Variants in STX16 observed in about 807,000 individuals in gnomAD.
STX16 encodes syntaxin 16, also known as syntaxin-16.
Under a neutral mutation model 42.7 loss-of-function variants are expected in STX16, and 28 were observed. The observed-to-expected ratio is 0.66, with a 90% confidence interval of 0.49 to 0.90. The LOEUF (loss-of-function observed/expected upper bound fraction) is 0.90, where lower values mean the gene tolerates loss of function less well. STX16 is among the 40% of genes least tolerant of loss of function. The pLI is 0.00. For synonymous variants in STX16, 156 were observed against 155.2 expected, an observed-to-expected ratio of 1.00 and a Z score of -0.04; for missense variants, 361 against 420.9, an observed-to-expected ratio of 0.86 and a Z score of 1.24.
At chr20:58,675,308 G>C (rs554079507) in intron 8 of STX16, among the ~76,000 whole-genome samples, 2 of 152,350 alleles carry the variant, frequency 1.3e-5, no homozygotes, top group South Asian at 2.1e-4. Context: ...CCTTCCCGCT[G>C]TCTCCTCCTC....
In STX16 at chr20:58,666,429, T is replaced by G. The variant is rs1318926253; in HGVS notation, c.145-1061T>G. On this transcript the variant is annotated intron_variant, in intron 2 of 8. Transcript: ENST00000371141. ...GTTTTTTGTGTGTGTGTGTGTTTTT[T>G]TTTTTTTTTTTTTTTTGAGACAGAG... Among the ~76,000 whole-genome samples, 611 of 147,784 alleles carry G rather than the reference T, an allele frequency of 4.1e-3. 2 individuals carry two copies. The highest frequency in any genetic ancestry group is 7.5e-3 in the Non-Finnish European group (502 of 66,878).
chr20:58,669,676 G>A (rs2122989780), intron 5 of STX16, among the ~76,000 whole-genome samples: 1 of 152,318 alleles, frequency 6.6e-6, no homozygotes, highest in Non-Finnish European at 1.5e-5. Context: ...AGGGCACCAA[G>A]ATAGTTCAGC....
At position 58,652,379 on chromosome 20, in the gene STX16, C is replaced by CG. The variant is rs1161216842; in HGVS notation, c.132+241_132+242insG. ...CTCCTCACTTCCGCAGCACCCCCCC[C>CG]CCCGCACCCCCCGCCTTGGCGTCAC... On this transcript the variant is annotated intron_variant, in intron 1 of 8. Coordinates refer to ENST00000371141, the MANE Select transcript of STX16 (RefSeq NM_001001433.3). The CG allele has an allele frequency of 2.6e-4, 150 of 588,188 alleles. 1 individual carries two copies. The African/African-American group carries it at 2.7e-3, about 11-fold the overall frequency. 36.4% of individuals were successfully genotyped at this position (588,188 alleles called of 1,614,324 possible).
Position 58,676,295 on chromosome 20 carries a change from G to A in STX16, c.*4G>A, listed in dbSNP as rs2084122844. The A allele has an allele frequency of 6.2e-7, 1 of 1,613,532 alleles. No individual in the cohort carries two copies. Among genetic ancestry groups the A allele is most frequent in the South Asian group, 1.1e-5 (1 of 91,068 alleles). On this transcript the variant is annotated 3_prime_UTR_variant, in exon 9 of 9. Coordinates refer to ENST00000371141, the MANE Select transcript of STX16 (RefSeq NM_001001433.3). Reference sequence around the variant, plus strand: ...CGTTGGCGTGAAGTCTCGATAAGTGGCATTGGGTTTTCGTGTGTGCCGCGC... The same window carrying A: ...CGTTGGCGTGAAGTCTCGATAAGTGACATTGGGTTTTCGTGTGTGCCGCGC...
In STX16 at chr20:58,668,248, G is replaced by A. The variant is rs2083884601; in HGVS notation, c.393+121G>A. On this transcript the variant is annotated intron_variant, in intron 4 of 8. Coordinates refer to ENST00000371141, the MANE Select transcript of STX16 (RefSeq NM_001001433.3). ...TTTCCCAACCTGAAGTTCTCAGAGG[G>A]ACCTCAAGAGGCCCTGAAGTCCTCC... 2.3e-6 allele frequency: 3 copies of A among 1,300,932 alleles called. No individual in the cohort carries two copies. In the African/African-American group the frequency reaches 4.4e-5, roughly 19 times the overall value. The allele number at this position is 1,300,932 out of a possible 1,614,324, so 80.6% of individuals were successfully genotyped here. A position where few individuals can be genotyped will look rare whatever the true frequency, so the allele number is the denominator to read the frequency against.
At chr20:58,671,090 G>A in intron 6 of STX16, 64 bp from the exon 7 acceptor site, 2 of 1,436,126 alleles carry the variant, frequency 1.4e-6, no homozygotes, top group South Asian at 1.4e-5. Context: ...ATCTAAACAA[G>A]TATACCATAG....
At chr20:58,670,658 C>A in intron 6 of STX16, 55 bp downstream of exon 6, 1 of 1,407,610 alleles carries the variant, frequency 7.1e-7, no homozygotes, top group Non-Finnish European at 1.0e-6. Context: ...CATTCTGCAT[C>A]TTTCACCTCC....
intron 8 of STX16, 35 bp downstream of exon 8, chr20:58,673,746 A>G: frequency 2.0e-6 from 3 of 1,467,916 alleles, no homozygotes; most frequent in Non-Finnish European, 2.9e-6. Context: ...AATCTTAGGA[A>G]CTATTTTCAA....
chr20:58,671,426 ATG>A (rs1367832614), intron 7 of STX16, 129 bp downstream of exon 7: 2 of 476,806 alleles, frequency 4.2e-6, no homozygotes, highest in East Asian at 3.0e-5. Context: ...CCTGTCCTTT[ATG>A]TGTGTGTGGG....
rs983961693 is a variant in STX16, at chr20:58,677,804, T to C, written c.*1513T>C. 6.6e-6 allele frequency: 1 copy of C among 152,220 alleles called. No individual in the cohort carries two copies. Among genetic ancestry groups the C allele is most frequent in the Non-Finnish European group, 1.5e-5 (1 of 68,048 alleles). 9.4% of individuals were successfully genotyped at this position (152,220 alleles called of 1,614,324 possible). A position where few individuals can be genotyped will look rare whatever the true frequency, so the allele number is the denominator to read the frequency against. The stretch of plus-strand genomic sequence containing the variant: ...AGATTGAAGTTGTCCAAACAGCTCA[T>C]GGGCTTAGTGTCCAAACCCCTGCCC... On this transcript the variant is annotated 3_prime_UTR_variant, in exon 9 of 9. Coordinates refer to ENST00000371141, the MANE Select transcript of STX16 (RefSeq NM_001001433.3).
intron 4 of STX16, among the ~76,000 whole-genome samples, chr20:58,668,569 ACATTTT>A (rs2083895620): frequency 6.6e-6 from 1 of 152,022 alleles, no homozygotes; most frequent in Non-Finnish European, 1.5e-5. Flanking sequence ...CTCAGTGTTT[ACATTTT>A]TTACTGAAGT....
chr20:58,666,430 T>A (rs1354530540), intron 2 of STX16, among the ~76,000 whole-genome samples: 2 of 148,078 alleles, frequency 1.4e-5, no homozygotes, highest in African/African-American at 5.0e-5. Context: ...TGTGTTTTTT[T>A]TTTTTTTTTT....
chr20:58,667,248 G>A lies in STX16; in HGVS notation c.145-242G>A, dbSNP rs191767573. Reference sequence around the variant, plus strand: ...TCTGAAGTATGTCCAAGGAAATTAAGAGCTGGTGCATGAAAAGATAGGAAA... The same window carrying A: ...TCTGAAGTATGTCCAAGGAAATTAAAAGCTGGTGCATGAAAAGATAGGAAA... On this transcript the variant is annotated intron_variant, in intron 2 of 8. Coordinates refer to ENST00000371141, the MANE Select transcript of STX16 (RefSeq NM_001001433.3). 3.2e-3 allele frequency: 1,958 copies of A among 606,002 alleles called. 11 individuals are homozygous for A. Among genetic ancestry groups the A allele is most frequent in the Non-Finnish European group, 3.4e-3 (1,089 of 324,548 alleles). The allele number at this position is 606,002 out of a possible 1,614,324, so 37.5% of individuals were successfully genotyped here.
chr20:58,656,938 ATT>A (rs1291182191), intron 1 of STX16, among the ~76,000 whole-genome samples: 1 of 152,142 alleles, frequency 6.6e-6, no homozygotes, highest in Non-Finnish European at 1.5e-5. Flanking sequence ...AAGGAAACAG[ATT>A]TTAGAGGAGG....
chr20:58,655,917 A>G (rs1200544743), intron 1 of STX16, among the ~76,000 whole-genome samples: 4 of 152,212 alleles, frequency 2.6e-5, no homozygotes, highest in Admixed American at 2.6e-4. Flanking sequence ...AAAAAAACAG[A>G]CAGGTTTGAC....
chr20:58,652,561 G>C (rs1408797860), intron 1 of STX16, among the ~76,000 whole-genome samples: 1 of 151,506 alleles, frequency 6.6e-6, no homozygotes, highest in Non-Finnish European at 1.5e-5. Flanking sequence ...CCGGATCGTA[G>C]ACCCAAATCC....
intron 2 of STX16, among the ~76,000 whole-genome samples, chr20:58,664,759 A>G (rs1029619966): frequency 1.3e-5 from 2 of 152,252 alleles, no homozygotes; most frequent in Admixed American, 1.3e-4. Context: ...TTAGATAGAT[A>G]CCATCTCTCT....
At chr20:58,661,092 C>T (rs1040928634) in intron 2 of STX16, among the ~76,000 whole-genome samples, 2 of 152,008 alleles carry the variant, frequency 1.3e-5, no homozygotes, top group Admixed American at 6.6e-5. Context: ...GGAGAGCAGG[C>T]GTTCTGAGTT....
intron 1 of STX16, among the ~76,000 whole-genome samples, chr20:58,652,513 C>A (rs960318899): frequency 1.3e-5 from 2 of 152,122 alleles, no homozygotes; most frequent in African/African-American, 4.8e-5. Flanking sequence ...CCCCTCCCCC[C>A]AGTAATGAGC....
Sources: gnomAD v4.1 joint callset for allele counts (sites outside exome capture counted in the v4.1 genomes callset) on GRCh38, gnomAD v4.1.1 for gene constraint, MANE v1.5 for transcripts, NCBI Gene and HGNC (gene_info 2026-07-23, HGNC 2026-07-21) for gene names.